The following ACTR5 variants were observed in gnomAD, a reference collection of about 807,000 sequenced individuals.
ACTR5 encodes actin-related protein 5.
ACTR5 carries 43 observed loss-of-function variants against 61.2 expected under a neutral mutation model. That is an observed-to-expected ratio of 0.70 (90% confidence interval 0.55 to 0.91). The LOEUF (loss-of-function observed/expected upper bound fraction) is 0.91. Among genes scored for constraint, ACTR5 ranks in the 40% least tolerant of loss-of-function variants. The pLI, the probability that ACTR5 is intolerant of heterozygous loss-of-function variation, is 0.00. For synonymous variants in ACTR5, 333 were observed against 310.5 expected, an observed-to-expected ratio of 1.07 and a Z score of -0.76; for missense variants, 798 against 782.2, an observed-to-expected ratio of 1.02 and a Z score of -0.24.
chr20:38,771,500 G>A, intron 8 of ACTR5, 59 bp from the exon 9 acceptor site: 1 of 1,571,118 alleles, frequency 6.4e-7, no homozygotes, highest in Non-Finnish European at 8.6e-7. Flanking sequence ...AGCTGAGCCA[G>A]GTCAACATTC....
intron 5 of ACTR5, among the ~76,000 whole-genome samples, chr20:38,759,803 A>G (rs1411188911): frequency 1.3e-5 from 2 of 152,176 alleles, no homozygotes; most frequent in Non-Finnish European, 2.9e-5. Flanking sequence ...CGTAGCAGGT[A>G]TGGTGGTAAA....
At chr20:38,766,965 TTTGA>T (rs2084490525) in intron 7 of ACTR5, among the ~76,000 whole-genome samples, 1 of 152,216 alleles carries the variant, frequency 6.6e-6, no homozygotes, top group Non-Finnish European at 1.5e-5. Flanking sequence ...TTTGAGTGGC[TTTGA>T]GCTTTGTCTT....
At chr20:38,758,984 C>T (rs2145670580) in intron 5 of ACTR5, among the ~76,000 whole-genome samples, 1 of 152,184 alleles carries the variant, frequency 6.6e-6, no homozygotes, top group South Asian at 2.1e-4. Context: ...CTATTCTGAC[C>T]CTTGCTATTC....
intron 2 of ACTR5, 25 bp from the exon 3 acceptor site, chr20:38,752,106 G>A (rs912897532): frequency 1.9e-6 from 3 of 1,599,640 alleles, no homozygotes; most frequent in Non-Finnish European, 2.6e-6. Context: ...AAATTTCAGT[G>A]CTGTTTTCTA....
rs930447258 is a variant in ACTR5 at position 38,772,268 on chromosome 20, A to C, written c.*452A>C. 1.2e-5 allele frequency: 2 copies of C among 172,888 alleles called. No individual in the cohort carries two copies. Among genetic ancestry groups the C allele is most frequent in the African/African-American group, 4.8e-5 (2 of 41,976 alleles). 10.7% of individuals were successfully genotyped at this position (172,888 alleles called of 1,614,324 possible). ...AATGCCCAGTGAGGGGAGGTCTTTC[A>C]TGCATATAAAAAGGTAATGTTTATT... On this transcript the variant is annotated 3_prime_UTR_variant, in exon 9 of 9. Transcript: ENST00000243903.
intron 5 of ACTR5, among the ~76,000 whole-genome samples, chr20:38,757,584 T>A (rs2084428077): frequency 6.6e-6 from 1 of 152,106 alleles, no homozygotes; most frequent in African/African-American, 2.4e-5. Flanking sequence ...TGCCATTTGA[T>A]GCTGGGTGTA....
Position 38,755,082 on chromosome 20 carries a change from C to G in ACTR5, c.901C>G (p.Gln301Glu), listed in dbSNP as rs1481603095. The part of the protein sequence containing the change: ...SEEKQERRQQ[Q>E]LRRLQELNAR... ...GGAGAAACAAGAAAGGCGGCAGCAG[C>G]AATTGCGGCGGCTGCAGGAGCTCAA... The change falls in exon 4 of 9, where the codon CAA becomes GAA. Residue 301 changes from glutamine to glutamate, a missense_variant. Coordinates refer to ENST00000243903, the MANE Select transcript of ACTR5 (RefSeq NM_024855.4). 1.9e-6 allele frequency: 3 copies of G among 1,614,134 alleles called. No homozygotes were observed. The Admixed American group carries it at 5.0e-5, about 27-fold the overall frequency.
At chr20:38,757,086 T>G in intron 5 of ACTR5, among the ~76,000 whole-genome samples, 1 of 152,110 alleles carries the variant, frequency 6.6e-6, no homozygotes, top group East Asian at 1.9e-4. Flanking sequence ...CCAGCATGCC[T>G]AAGTCATTTT....
chr20:38,752,060 G>A (rs1379888337), intron 2 of ACTR5, 71 bp from the exon 3 acceptor site: 5 of 1,513,040 alleles, frequency 3.3e-6, no homozygotes, highest in Non-Finnish European at 4.5e-6. Context: ...AAATTATCTT[G>A]TTTCTCCCAA....
intron 8 of ACTR5, among the ~76,000 whole-genome samples, chr20:38,770,805 C>G (rs953034567): frequency 9.9e-5 from 15 of 152,196 alleles, no homozygotes; most frequent in African/African-American, 3.6e-4. Context: ...CTGCACTTTC[C>G]CACCTCCATT....
rs778554370 is a variant in ACTR5, at chr20:38,771,546, CTT to C, written c.1567-11_1567-10del. Reference sequence around the variant, plus strand: ...CCCTGGTGGAGGTGTCCTGGTGAATCTTTGTGTTTCAGGTTCAACTTGCCTCG... The same window carrying C: ...CCCTGGTGGAGGTGTCCTGGTGAATCTGTGTTTCAGGTTCAACTTGCCTCG... On this transcript the variant is annotated splice_polypyrimidine_tract_variant and intron_variant, in intron 8 of 8. Coordinates refer to ENST00000243903, the MANE Select transcript of ACTR5 (RefSeq NM_024855.4). 10 of 1,606,970 alleles carry C rather than the reference CTT, an allele frequency of 6.2e-6. No homozygotes were observed. In the East Asian group the frequency reaches 2.0e-4, roughly 32 times the overall value.
In ACTR5 at chr20:38,748,488, A is replaced by G; in HGVS notation, c.10A>G (p.Asn4Asp). MAA[N>D]VFPFRDARAA... ...GGACGCGCGCTCCAAGATGGCGGCG[A>G]ACGTGTTCCCGTTCCGCGACGCCCG... The change falls in exon 1 of 9, where the codon AAC becomes GAC. Residue 4 changes from asparagine (N) to aspartate (D), a missense_variant. Asn to Asp is a conservative substitution (Grantham distance 23, BLOSUM62 1). Coordinates refer to ENST00000243903, the MANE Select transcript of ACTR5 (RefSeq NM_024855.4). 4 of 1,488,460 alleles carry G rather than the reference A, an allele frequency of 2.7e-6. No homozygotes were observed. The highest frequency in any genetic ancestry group is 2.7e-6 in the Non-Finnish European group (3 of 1,126,752). The allele number at this position is 1,488,460 out of a possible 1,614,324, so 92.2% of individuals were successfully genotyped here.
chr20:38,760,618 C>T (rs889340032), intron 5 of ACTR5, among the ~76,000 whole-genome samples: 4 of 152,256 alleles, frequency 2.6e-5, no homozygotes, highest in South Asian at 2.1e-4. Flanking sequence ...CCTCCTGGTT[C>T]GTGTTCACAA....
intron 5 of ACTR5, among the ~76,000 whole-genome samples, chr20:38,763,559 T>C (rs2084467495): frequency 6.6e-6 from 1 of 152,214 alleles, no homozygotes; most frequent in Non-Finnish European, 1.5e-5. Flanking sequence ...GTCTTATCCT[T>C]AGCCTCATGA....
chr20:38,761,308 C>T (rs2084452648), intron 5 of ACTR5, among the ~76,000 whole-genome samples: 1 of 151,996 alleles, frequency 6.6e-6, no homozygotes, highest in Non-Finnish European at 1.5e-5. Flanking sequence ...TATGGGAGGA[C>T]AGAATCAAAT....
chr20:38,748,693 C>G lies in ACTR5; in HGVS notation c.215C>G (p.Ala72Gly). The change falls in exon 1 of 9, where the codon GCA becomes GGA. Residue 72 changes from alanine to glycine, a missense_variant. Coordinates refer to ENST00000243903, the MANE Select transcript of ACTR5 (RefSeq NM_024855.4). ...RAVCARGRGG[A>G]RGASGPQVGN... ...GTGTGCGCCCGCGGTCGTGGCGGGGCACGGGGCGCGTCGGGCCCGCAGGTG... is the reference window on the plus strand; with the variant it reads ...GTGTGCGCCCGCGGTCGTGGCGGGGGACGGGGCGCGTCGGGCCCGCAGGTG... The G allele has an allele frequency of 1.3e-6, 2 of 1,520,572 alleles. No homozygotes were observed. The highest frequency in any genetic ancestry group is 1.8e-6 in the Non-Finnish European group (2 of 1,135,890). 94.2% of individuals were successfully genotyped at this position (1,520,572 alleles called of 1,614,324 possible).
Position 38,771,863 on chromosome 20 carries a change from C to T in ACTR5, c.*47C>T, listed in dbSNP as rs73104029. On this transcript the variant is annotated 3_prime_UTR_variant, in exon 9 of 9. Transcript: ENST00000243903. ...GCCCTGCACGCCATGCCTTGGGCCA[C>T]GTTGGCAGTGTGACAGGACTGTGAT... 0.078 allele frequency: 122,909 copies of T among 1,566,288 alleles called. 5,054 individuals are homozygous for T. The highest frequency in any genetic ancestry group is 0.13 in the African/African-American group (9,286 of 74,140).
At chr20:38,748,919 A>G in intron 1 of ACTR5, 66 bp downstream of exon 1, 2 of 1,515,902 alleles carry the variant, frequency 1.3e-6, no homozygotes, top group East Asian at 2.5e-5. Flanking sequence ...GTCTCCGCTC[A>G]CTCTGCTCTC....
chr20:38,766,892 T>C (rs935019189), intron 7 of ACTR5, among the ~76,000 whole-genome samples: 9 of 152,202 alleles, frequency 5.9e-5, no homozygotes, highest in Non-Finnish European at 1.2e-4. Context: ...CTGGCTGCTG[T>C]TGGTCATAAC....
Sources: gnomAD v4.1 joint callset for allele counts (sites outside exome capture counted in the v4.1 genomes callset) on GRCh38, gnomAD v4.1.1 for gene constraint, MANE v1.5 for transcripts, NCBI Gene and HGNC (gene_info 2026-07-23, HGNC 2026-07-21) for gene names.